Variants in UBR3 observed in about 807,000 individuals in gnomAD.
UBR3 encodes the protein ubiquitin protein ligase E3 component n-recognin 3, also known as E3 ubiquitin-protein ligase UBR3.
UBR3 carries 85 observed loss-of-function variants against 243.2 expected under a neutral mutation model. The observed-to-expected ratio is 0.35, with a 90% confidence interval of 0.29 to 0.42. The LOEUF is 0.42. UBR3 is among the 10% of genes least tolerant of loss of function. The probability of loss-of-function intolerance (pLI) is 1.00; values close to 1 mark genes in which losing one functional copy is unlikely to be tolerated. For synonymous variants in UBR3, 748 were observed against 799.8 expected, an observed-to-expected ratio of 0.94 and a Z score of 1.09; for missense variants, 1,686 against 2,300.8, an observed-to-expected ratio of 0.73 and a Z score of 5.47.
At chr2:170,055,923 T>C (rs1307335711) in intron 33 of UBR3, among the ~76,000 whole-genome samples, 2 of 152,142 alleles carry the variant, frequency 1.3e-5, no homozygotes, top group African/African-American at 4.8e-5. Context: ...CACTTTTTCT[T>C]TTTGTCCCTA....
At chr2:169,870,960 G>C (rs1456122465) in intron 1 of UBR3, among the ~76,000 whole-genome samples, 1 of 146,570 alleles carries the variant, frequency 6.8e-6, no homozygotes, top group Non-Finnish European at 1.5e-5. Context: ...GGCCAAAACT[G>C]TCTTTAAAAA....
Position 169,846,165 on chromosome 2 carries a change from CAAATATAACCGTGG to C in UBR3, c.545+18115_545+18128del. Among the ~76,000 whole-genome samples, 2 of 152,098 alleles carry C rather than the reference CAAATATAACCGTGG, an allele frequency of 1.3e-5. 1 individual carries two copies. The highest frequency in any genetic ancestry group is 4.8e-5 in the African/African-American group (2 of 41,404). On this transcript the variant is annotated intron_variant, in intron 1 of 38. Coordinates refer to ENST00000272793, the MANE Select transcript of UBR3 (RefSeq NM_172070.4). Reference sequence around the variant, plus strand: ...TTACTGAGAATGGTGTTGAAGTCTCCAAATATAACCGTGGATTTGTCTCTATTTCCTTGAAGTTG... The same window carrying C: ...TTACTGAGAATGGTGTTGAAGTCTCCATTTGTCTCTATTTCCTTGAAGTTG...
intron 35 of UBR3, among the ~76,000 whole-genome samples, chr2:170,067,934 A>G (rs903983008): frequency 4.6e-5 from 7 of 151,790 alleles, no homozygotes; most frequent in African/African-American, 9.7e-5. Context: ...ATGCCTGGCT[A>G]TCTTTTTTTA....
In UBR3 at chr2:169,875,812, A is replaced by T. The variant is rs537939426; in HGVS notation, c.707A>T (p.Lys236Met). Residue 236 changes from lysine to methionine, a missense_variant, in exon 3 of 39, where the codon AAG becomes ATG. Coordinates refer to ENST00000272793, the MANE Select transcript of UBR3 (RefSeq NM_172070.4). ...TTAGCAGCTGATGGACCATCAGAAA[A>T]GGACCTTAACAAAGTCCTTCAGCTT... ...NEPAADGPSE[K>M]DLNKVLQLLE... The T allele has an allele frequency of 7.2e-6, 11 of 1,536,396 alleles. No individual in the cohort carries two copies. The East Asian group carries it at 2.2e-4, about 31-fold the overall frequency.
intron 14 of UBR3, 68 bp from the exon 15 acceptor site, chr2:169,926,624 A>G (rs984816741): frequency 7.0e-7 from 1 of 1,438,078 alleles, no homozygotes; most frequent in African/African-American, 1.5e-5. Context: ...AAAAGTATAG[A>G]AAAACATGAT....
chr2:169,990,664 A>G (rs1284114049), intron 25 of UBR3, among the ~76,000 whole-genome samples: 1 of 151,672 alleles, frequency 6.6e-6, no homozygotes, highest in Non-Finnish European at 1.5e-5. Context: ...GATTGTTACA[A>G]AGTGAAGATG....
intron 19 of UBR3, among the ~76,000 whole-genome samples, chr2:169,939,534 T>C (rs2086494063): frequency 6.6e-6 from 1 of 151,970 alleles, no homozygotes; most frequent in Non-Finnish European, 1.5e-5. Flanking sequence ...CCCAAAGTGC[T>C]GGGATTACAG....
At chr2:170,036,189 G>A (rs1188621794) in intron 31 of UBR3, among the ~76,000 whole-genome samples, 1 of 152,036 alleles carries the variant, frequency 6.6e-6, no homozygotes, top group African/African-American at 2.4e-5. Flanking sequence ...GCATTAGCTA[G>A]TACTTCCAGT....
At chr2:169,958,125 C>T (rs560502480) in intron 23 of UBR3, among the ~76,000 whole-genome samples, 1 of 152,270 alleles carries the variant, frequency 6.6e-6, no homozygotes, top group African/African-American at 2.4e-5. Context: ...GTCTTGCTAC[C>T]TTCTGACGTA....
At chr2:169,860,356 T>G (rs1234882434) in intron 1 of UBR3, among the ~76,000 whole-genome samples, 5 of 152,154 alleles carry the variant, frequency 3.3e-5, no homozygotes, top group African/African-American at 1.2e-4. Context: ...GACTCAGGGC[T>G]TATCTTTAAG....
At chr2:169,876,762 C>A (rs1411598372) in intron 3 of UBR3, among the ~76,000 whole-genome samples, 2 of 152,044 alleles carry the variant, frequency 1.3e-5, no homozygotes, top group African/African-American at 4.8e-5. Flanking sequence ...AGGGTTTTAA[C>A]CATGTTGGCC....
At chr2:169,837,618 G>A (rs142109026) in intron 1 of UBR3, among the ~76,000 whole-genome samples, 42 of 152,318 alleles carry the variant, frequency 2.8e-4, no homozygotes, top group Non-Finnish European at 4.3e-4. Context: ...AGAGCAGCAG[G>A]GGGGGAGAAG....
At chr2:170,045,037 T>C (rs1327301215) in intron 32 of UBR3, among the ~76,000 whole-genome samples, 1 of 152,190 alleles carries the variant, frequency 6.6e-6, no homozygotes, top group Non-Finnish European at 1.5e-5. Flanking sequence ...GTGTATTAGT[T>C]CATTTTCATG....
intron 23 of UBR3, among the ~76,000 whole-genome samples, chr2:169,954,492 C>A (rs1193079229): frequency 6.6e-6 from 1 of 151,984 alleles, no homozygotes; most frequent in Non-Finnish European, 1.5e-5. Flanking sequence ...ATCCCCCCGC[C>A]TCAGCCCCAC....
chr2:170,031,752 A>G (rs116562648), intron 31 of UBR3, among the ~76,000 whole-genome samples: 4,070 of 152,156 alleles, frequency 0.027, 177 homozygotes, highest in African/African-American at 0.092. Flanking sequence ...TTTAGCCCTC[A>G]CTTATAAGTG....
At chr2:170,045,958 T>C (rs2091074640) in intron 32 of UBR3, among the ~76,000 whole-genome samples, 1 of 123,748 alleles carries the variant, frequency 8.1e-6, no homozygotes, top group Non-Finnish European at 1.6e-5. Context: ...TAGTTGCTTC[T>C]TGTAAATTTT....
Position 169,925,640 on chromosome 2 carries a change from A to AGC in UBR3, c.2045_2046dup (p.Asn683AlafsTer5). The AGC allele has an allele frequency of 6.5e-7, 1 of 1,549,882 alleles. No individual in the cohort carries two copies. On this transcript the variant is annotated frameshift_variant, in exon 14 of 39. Transcript: ENST00000272793. LOFTEE classifies it high-confidence loss of function. ...TTAGGCAAGTCTTGCAGAAATCCAC[A>AGC]GCAATATGTGGGTAAGAAATGGTCT...
chr2:169,829,818 C>T (rs1228301118), intron 1 of UBR3, among the ~76,000 whole-genome samples: 10 of 30,214 alleles, frequency 3.3e-4, no homozygotes, highest in South Asian at 8.5e-4. Flanking sequence ...AAAAAGTACA[C>T]ACACACACAC....
At chr2:169,924,806 G>C (rs780995998) in intron 13 of UBR3, among the ~76,000 whole-genome samples, 1 of 152,098 alleles carries the variant, frequency 6.6e-6, no homozygotes, top group Non-Finnish European at 1.5e-5. Context: ...AGGCCAAGGC[G>C]GGCAGATCAC....
Sources: allele counts gnomAD v4.1 joint callset (sites outside exome capture counted in the v4.1 genomes callset), GRCh38; gene constraint gnomAD v4.1.1; transcripts MANE v1.5; gene names NCBI Gene and HGNC (gene_info 2026-07-23, HGNC 2026-07-21).